Variants in FCF1 observed in about 807,000 individuals in gnomAD.
FCF1 encodes the protein FCF1 rRNA-processing protein, also known as rRNA-processing protein FCF1 homolog.
A neutral mutation model predicts 32.5 loss-of-function variants in FCF1; 17 were observed. That is an observed-to-expected ratio of 0.52 (90% CI 0.36 to 0.78). The LOEUF is 0.78. FCF1 is among the 30% of genes least tolerant of loss of function. The pLI is 0.00. For synonymous variants in FCF1, 84 were observed against 78.4 expected, an observed-to-expected ratio of 1.07 and a Z score of -0.38; for missense variants, 201 against 241.1, an observed-to-expected ratio of 0.83 and a Z score of 1.10.
chr14:74,725,259 G>A (rs770184493), intron 5 of FCF1, among the ~76,000 whole-genome samples: 3 of 151,664 alleles, frequency 2.0e-5, no homozygotes, highest in African/African-American at 4.8e-5. Context: ...GGGAGGCCGA[G>A]GCAGGCAGAT....
At chr14:74,714,715 G>C (rs921479871) in intron 2 of FCF1, among the ~76,000 whole-genome samples, 157 bp from the exon 3 acceptor site, 1 of 151,392 alleles carries the variant, frequency 6.6e-6, no homozygotes, top group African/African-American at 2.4e-5. Context: ...AGAGTTATTT[G>C]CTCAGAAAGA....
At chr14:74,723,828 C>CAAAA (rs11396572) in intron 5 of FCF1, among the ~76,000 whole-genome samples, 1 of 111,816 alleles carries the variant, frequency 8.9e-6, no homozygotes, top group Non-Finnish European at 1.7e-5. Context: ...AACTCTGTCT[C>CAAAA]AAAAAAAAAA....
At chr14:74,719,304 A>G (rs1337482417) in intron 4 of FCF1, among the ~76,000 whole-genome samples, 1 of 148,428 alleles carries the variant, frequency 6.7e-6, no homozygotes. Flanking sequence ...TTAAAAAAAA[A>G]AAAAAGAAGA....
intron 2 of FCF1, among the ~76,000 whole-genome samples, chr14:74,714,650 G>A (rs1471357170): frequency 6.6e-6 from 1 of 152,052 alleles, no homozygotes; most frequent in Non-Finnish European, 1.5e-5. Context: ...CAATTCTTAT[G>A]CATTATTGGC....
chr14:74,731,502 C>G (rs537728728), intron 5 of FCF1, among the ~76,000 whole-genome samples: 1 of 152,134 alleles, frequency 6.6e-6, no homozygotes, highest in South Asian at 2.1e-4. Context: ...ACTTTGTCCC[C>G]CAGAAATCTT....
chr14:74,731,987 G>A (rs1012605999), intron 5 of FCF1, among the ~76,000 whole-genome samples: 9 of 152,066 alleles, frequency 5.9e-5, no homozygotes, highest in Non-Finnish European at 8.8e-5. Context: ...TATACATATA[G>A]TAAAAGGTAA....
At chr14:74,720,794 A>G (rs2090490120) in intron 4 of FCF1, among the ~76,000 whole-genome samples, 1 of 152,086 alleles carries the variant, frequency 6.6e-6, no homozygotes, top group Non-Finnish European at 1.5e-5. Flanking sequence ...AGACTACTGG[A>G]AAGAGCCACC....
intron 4 of FCF1, among the ~76,000 whole-genome samples, chr14:74,716,464 C>T (rs2090422054): frequency 6.6e-6 from 1 of 152,134 alleles, no homozygotes; most frequent in Non-Finnish European, 1.5e-5. Context: ...CTCCCTTTTG[C>T]CCCAGTGTTG....
chr14:74,725,131 T>C (rs1055146424), intron 5 of FCF1, among the ~76,000 whole-genome samples: 1 of 151,076 alleles, frequency 6.6e-6, no homozygotes, highest in African/African-American at 2.4e-5. Context: ...GAGTCAAGTA[T>C]TGGCATCTTC....
rs759991077 is a variant in FCF1, at chr14:74,715,794, T to TA, written c.144-156dup. ...GGAGCTGAGATTAAGATAATGATAT[T>TA]ACTTTCTTCCTTGCCTTCCTTTTTA... On this transcript the variant is annotated intron_variant, in intron 3 of 7. Coordinates refer to ENST00000341162, the MANE Select transcript of FCF1 (RefSeq NM_015962.5). The TA allele has an allele frequency of 1.4e-5, 21 of 1,541,930 alleles. No homozygotes were observed. The South Asian group carries it at 2.2e-4, about 16-fold the overall frequency.
Position 74,729,452 on chromosome 14 carries a change from C to T in FCF1, c.366-3279C>T, listed in dbSNP as rs140104878. ...TTCTGTGGGATCGGTGATGATATCC[C>T]CTTTATCATTTTTTATTGCGTCTAT... On this transcript the variant is annotated intron_variant, in intron 5 of 7. Coordinates refer to ENST00000341162, the MANE Select transcript of FCF1 (RefSeq NM_015962.5). Among the ~76,000 whole-genome samples, 672 of 152,042 alleles carry T rather than the reference C, an allele frequency of 4.4e-3. 3 individuals are homozygous for T. The highest frequency in any genetic ancestry group is 0.014 in the African/African-American group (595 of 41,460).
chr14:74,714,363 T>C (rs2090384198), intron 2 of FCF1, among the ~76,000 whole-genome samples: 1 of 152,220 alleles, frequency 6.6e-6, no homozygotes, highest in South Asian at 2.1e-4. Context: ...TCTCAGCCTT[T>C]AGTGTGGATG....
rs1331082667 is a variant in FCF1 at position 74,735,471 on chromosome 14, A to T, written c.*541A>T. 1 of 152,488 alleles carries T rather than the reference A, an allele frequency of 6.6e-6. No individual in the cohort carries two copies. Among genetic ancestry groups the T allele is most frequent in the Non-Finnish European group, 1.5e-5 (1 of 68,378 alleles). 9.4% of individuals were successfully genotyped at this position (152,488 alleles called of 1,614,324 possible). On this transcript the variant is annotated 3_prime_UTR_variant, in exon 8 of 8. Transcript: ENST00000341162. The stretch of plus-strand genomic sequence containing the variant: ...ACTGAATTTCTGCTTACACATTTTT[A>T]AATTTCTTTTAATTGCTTTTCCAAT...
Position 74,735,177 on chromosome 14 carries a change from A to T in FCF1, c.*247A>T, listed in dbSNP as rs1034458727. 3 of 414,006 alleles carry T rather than the reference A, an allele frequency of 7.2e-6. No individual in the cohort carries two copies. Among genetic ancestry groups the T allele is most frequent in the East Asian group, 3.9e-5 (1 of 25,596 alleles). The allele number at this position is 414,006 out of a possible 1,614,324, so 25.6% of individuals were successfully genotyped here. A position where few individuals can be genotyped will look rare whatever the true frequency, so the allele number is the denominator to read the frequency against. ...GTTGGGGGGAATCTGTGCAGGGGGAAGCATATTACAGAAGCAAGAAAGACA... is the reference window on the plus strand; with the variant it reads ...GTTGGGGGGAATCTGTGCAGGGGGATGCATATTACAGAAGCAAGAAAGACA... On this transcript the variant is annotated 3_prime_UTR_variant, in exon 8 of 8. Transcript: ENST00000341162.
At chr14:74,713,686 C>T in intron 2 of FCF1, 134 bp downstream of exon 2, 3 of 710,708 alleles carry the variant, frequency 4.2e-6, no homozygotes, top group South Asian at 1.8e-5. Context: ...ATGAGATAGC[C>T]AGTGTTTAAC....
intron 5 of FCF1, among the ~76,000 whole-genome samples, chr14:74,725,574 A>C (rs1166262166): frequency 6.7e-6 from 1 of 149,992 alleles, no homozygotes; most frequent in Non-Finnish European, 1.5e-5. Flanking sequence ...GGATCGCTGG[A>C]GCCCAGGAGT....
chr14:74,732,094 A>G (rs891865573), intron 5 of FCF1, among the ~76,000 whole-genome samples: 19 of 152,110 alleles, frequency 1.2e-4, no homozygotes, highest in Non-Finnish European at 2.2e-4. Flanking sequence ...TTCTGTGCAA[A>G]TGCAAATCTA....
intron 5 of FCF1, among the ~76,000 whole-genome samples, chr14:74,728,180 T>C (rs1250981342): frequency 6.6e-6 from 1 of 152,236 alleles, no homozygotes; most frequent in African/African-American, 2.4e-5. Context: ...ATTGAATCTA[T>C]AAATTACCTT....
In FCF1 at chr14:74,734,895, C is replaced by G. The variant is rs760799975; in HGVS notation, c.562C>G (p.Arg188Gly). ...YISNHRYNIE[R>G]MPDDYGAPRF The stretch of plus-strand genomic sequence containing the variant: ...TGTCCTGATCAGATACAACATTGAA[C>G]GGATGCCAGATGATTATGGAGCCCC... Residue 188 changes from arginine to glycine, a missense_variant, in exon 8 of 8, where the codon CGG (arginine) becomes GGG (glycine). Physicochemically the swap from Arg to Gly is moderately radical, Grantham distance 125. This residue lies in a region of FCF1 where 121 missense variants were observed against 147.8 expected (regional missense o/e 0.82). Coordinates refer to ENST00000341162, the MANE Select transcript of FCF1 (RefSeq NM_015962.5). The G allele has an allele frequency of 3.1e-6, 5 of 1,613,656 alleles. No homozygotes were observed. Among genetic ancestry groups the G allele is most frequent in the Non-Finnish European group, 4.2e-6 (5 of 1,179,688 alleles).
Sources: gnomAD v4.1 joint callset for allele counts (sites outside exome capture counted in the v4.1 genomes callset) on GRCh38, gnomAD v4.1.1 for gene constraint, gnomAD v4.1.1 regional missense constraint, MANE v1.5 for transcripts, NCBI Gene and HGNC (gene_info 2026-07-23, HGNC 2026-07-21) for gene names.